FBLN1: variants seen among roughly 807,000 people sequenced by gnomAD.
FBLN1 encodes fibulin-1.
In FBLN1, 34 loss-of-function variants were observed where a neutral mutation model predicts 89.7. That is an observed-to-expected ratio of 0.38 (90% CI 0.29 to 0.50). The LOEUF (loss-of-function observed/expected upper bound fraction) is 0.50. Among genes scored for constraint, FBLN1 ranks in the 20% least tolerant of loss-of-function variants. The pLI is 0.92. For missense variants in FBLN1, 777 were observed against 988.1 expected, an observed-to-expected ratio of 0.79 and a Z score of 2.86; for synonymous variants, 393 against 391.3, an observed-to-expected ratio of 1.00 and a Z score of -0.05.
At chr22:45,584,592 A>G (rs2089069011) in intron 16 of FBLN1, among the ~76,000 whole-genome samples, 2 of 152,230 alleles carry the variant, frequency 1.3e-5, no homozygotes, top group Admixed American at 1.3e-4. Flanking sequence ...TAAAATTGCC[A>G]TAATAATATT....
rs1224392346 is a variant in FBLN1 at position 45,583,674 on chromosome 22, G to A, written c.1972+6566G>A. On this transcript the variant is annotated intron_variant, in intron 16 of 16. Transcript: ENST00000327858. This position sits in a 1 kb window ranked among gnomAD's most constrained non-coding sequence, Gnocchi z 4.5. ...GTGTGCCAGTCAGGTGAGACGCAGAGAAGACAGCACAATCAACACAGGAAG... is the reference window on the plus strand; with the variant it reads ...GTGTGCCAGTCAGGTGAGACGCAGAAAAGACAGCACAATCAACACAGGAAG... Among the ~76,000 whole-genome samples, 1 of 152,196 alleles carries A rather than the reference G, an allele frequency of 6.6e-6. No homozygotes were observed. Among genetic ancestry groups the A allele is most frequent in the Non-Finnish European group, 1.5e-5 (1 of 68,032 alleles).
intron 6 of FBLN1, among the ~76,000 whole-genome samples, chr22:45,533,469 G>A (rs2088437510): frequency 2.6e-5 from 4 of 152,218 alleles, no homozygotes; most frequent in Admixed American, 1.3e-4. Context: ...CCTGGCCCCC[G>A]CGTCTGTGAG....
chr22:45,503,356 G>A lies in FBLN1; in HGVS notation c.79+292G>A, dbSNP rs573574546. Reference sequence around the variant, plus strand: ...CAGCCGGCTCCGGGGGCCGCATCCCGGGCCCTGGGGGTTCAGGGGCGCTAG... The same window carrying A: ...CAGCCGGCTCCGGGGGCCGCATCCCAGGCCCTGGGGGTTCAGGGGCGCTAG... On this transcript the variant is annotated intron_variant, in intron 1 of 16. Coordinates refer to ENST00000327858, the MANE Select transcript of FBLN1 (RefSeq NM_006486.3). 7.5e-5 allele frequency: 16 copies of A among 212,180 alleles called. No individual in the cohort carries two copies. In the East Asian group the frequency reaches 1.4e-3, roughly 19 times the overall value. The allele number at this position is 212,180 out of a possible 1,614,324, so 13.1% of individuals were successfully genotyped here.
Position 45,525,669 on chromosome 22 carries a change from A to C in FBLN1, c.312A>C (p.Thr104=), listed in dbSNP as rs61739196. 2 of 1,551,330 alleles carry C rather than the reference A, an allele frequency of 1.3e-6. No homozygotes were observed. The highest frequency in any genetic ancestry group is 2.7e-5 in the African/African-American group (2 of 73,048). The change falls in exon 3 of 17, where the codon ACA becomes ACC. Residue 104 remains threonine, a synonymous_variant. Coordinates refer to ENST00000327858, the MANE Select transcript of FBLN1 (RefSeq NM_006486.3). ...PHGDNASLEA[T]FVKRCCHCCL... is the part of the protein sequence containing the mutation. ...GTGACAACGCCAGCCTGGAGGCCAC[A>C]TTTGTGAAGGTGAGAGCCAAAGACC...
At position 45,588,616 on chromosome 22, in the gene FBLN1, C is replaced by A. The variant is rs2089108256; in HGVS notation, c.1972+11508C>A. On this transcript the variant is annotated intron_variant, in intron 16 of 16. Coordinates refer to ENST00000327858, the MANE Select transcript of FBLN1 (RefSeq NM_006486.3). This position sits in a 1 kb window ranked among gnomAD's most constrained non-coding sequence, Gnocchi z 5.1. Reference sequence around the variant, plus strand: ...ACACACCTGCTGACTTCCAGAGTCACCAAGGGGTTAAAAGGGGCTGGGAAC... The same window carrying A: ...ACACACCTGCTGACTTCCAGAGTCAACAAGGGGTTAAAAGGGGCTGGGAAC... 6.6e-6 allele frequency among the ~76,000 whole-genome samples: 1 copy of A among 151,720 alleles called. No homozygotes were observed. The highest frequency in any genetic ancestry group is 1.5e-5 in the Non-Finnish European group (1 of 67,938).
chr22:45,512,820 CA>C (rs1430334933), intron 1 of FBLN1, among the ~76,000 whole-genome samples: 1 of 151,954 alleles, frequency 6.6e-6, no homozygotes, highest in Admixed American at 6.6e-5. Context: ...TGTAGTGGTG[CA>C]GTCGTGGCCC....
At position 45,531,670 on chromosome 22, in the gene FBLN1, CG is replaced by C. The variant is rs1204585387; in HGVS notation, c.544+347del. ...ATGAGCCACTTCCACCCTGAGGAGT[CG>C]TGGACTCCCAGCTCCTCCTTCCCTT... is the stretch of plus-strand genomic sequence containing the variant. On this transcript the variant is annotated intron_variant, in intron 5 of 16. Coordinates refer to ENST00000327858, the MANE Select transcript of FBLN1 (RefSeq NM_006486.3). This position sits in a 1 kb window ranked among gnomAD's most constrained non-coding sequence, Gnocchi z 4.9. Among the ~76,000 whole-genome samples, 3 of 152,226 alleles carry C rather than the reference CG, an allele frequency of 2.0e-5. No homozygotes were observed.
chr22:45,555,106 G>T lies in FBLN1; in HGVS notation c.1697+4491G>T, dbSNP rs559531593. 6.8e-3 allele frequency among the ~76,000 whole-genome samples: 1,014 copies of T among 148,744 alleles called. 24 individuals carry two copies. The highest frequency in any genetic ancestry group is 0.024 in the South Asian group (105 of 4,450). On this transcript the variant is annotated intron_variant, in intron 14 of 16. Coordinates refer to ENST00000327858, the MANE Select transcript of FBLN1 (RefSeq NM_006486.3). ...TCCCCGTCTCCACCGCAGGAGGTTG[G>T]GACCCGTCCCCGTCTCCACCCCAGG...
At chr22:45,528,544 C>T (rs972709288) in intron 4 of FBLN1, among the ~76,000 whole-genome samples, 2 of 152,070 alleles carry the variant, frequency 1.3e-5, no homozygotes, top group Non-Finnish European at 1.5e-5. Context: ...GGGGTTTCAC[C>T]ATGTTGGCCA....
chr22:45,550,170 T>C lies in FBLN1; in HGVS notation c.1574-322T>C, dbSNP rs1244025806. ...ATAAAATGAGGATCATAACAGTATCTGCCTCATTGAGTTCTTAGGAGGATT... is the reference window on the plus strand; with the variant it reads ...ATAAAATGAGGATCATAACAGTATCCGCCTCATTGAGTTCTTAGGAGGATT... On this transcript the variant is annotated intron_variant, in intron 13 of 16. Coordinates refer to ENST00000327858, the MANE Select transcript of FBLN1 (RefSeq NM_006486.3). The surrounding 1 kb of genome is among the most constrained non-coding windows in gnomAD (Gnocchi z 8.4). 2.6e-5 allele frequency among the ~76,000 whole-genome samples: 4 copies of C among 152,200 alleles called. No individual in the cohort carries two copies. The highest frequency in any genetic ancestry group is 9.6e-5 in the African/African-American group (4 of 41,456).
chr22:45,548,863 G>T (rs746274508), intron 13 of FBLN1, 119 bp downstream of exon 13: 2 of 1,491,490 alleles, frequency 1.3e-6, no homozygotes, highest in Non-Finnish European at 1.8e-6. Context: ...AGCACAGATG[G>T]AATGCATTCA....
chr22:45,561,943 A>G lies in FBLN1; in HGVS notation c.1697+11328A>G, dbSNP rs1055662281. 2.0e-5 allele frequency among the ~76,000 whole-genome samples: 3 copies of G among 152,178 alleles called. No homozygotes were observed. Among genetic ancestry groups the G allele is most frequent in the African/African-American group, 7.2e-5 (3 of 41,444 alleles). ...TCCTATCACATTTTTCTGCCTGCTT[A>G]TAGTCTAGCCGTGCTGGCAGCTGAT... On this transcript the variant is annotated intron_variant, in intron 14 of 16. Coordinates refer to ENST00000327858, the MANE Select transcript of FBLN1 (RefSeq NM_006486.3). This position sits in a 1 kb window ranked among gnomAD's most constrained non-coding sequence, Gnocchi z 4.7.
intron 14 of FBLN1, among the ~76,000 whole-genome samples, chr22:45,570,337 AAAGAAAAG>A: frequency 1.3e-5 from 1 of 77,178 alleles, no homozygotes; most frequent in Non-Finnish European, 2.6e-5. Flanking sequence ...AAAAAAAAAA[AAAGAAAAG>A]AAAAGAAAAG....
At chr22:45,515,987 A>G (rs2088164608) in intron 1 of FBLN1, among the ~76,000 whole-genome samples, 1 of 152,202 alleles carries the variant, frequency 6.6e-6, no homozygotes, top group Non-Finnish European at 1.5e-5. Context: ...CAGGAGACAG[A>G]GCCTGCCCTC....
In FBLN1 at chr22:45,532,943, G is replaced by C. The variant is rs893206314; in HGVS notation, c.545-120G>C. 1 of 883,088 alleles carries C rather than the reference G, an allele frequency of 1.1e-6. No homozygotes were observed. Among genetic ancestry groups the C allele is most frequent in the Admixed American group, 2.0e-5 (1 of 50,532 alleles). The allele number at this position is 883,088 out of a possible 1,614,324, so 54.7% of individuals were successfully genotyped here. A position where few individuals can be genotyped will look rare whatever the true frequency, so the allele number is the denominator to read the frequency against. The stretch of plus-strand genomic sequence containing the variant: ...CAGCAGGTGGGCTCCAGCCAGGTCA[G>C]CCTGCCTTCCTGGGTTCGTCTGCCC... On this transcript the variant is annotated intron_variant, in intron 5 of 16. Coordinates refer to ENST00000327858, the MANE Select transcript of FBLN1 (RefSeq NM_006486.3). This position sits in a 1 kb window ranked among gnomAD's most constrained non-coding sequence, Gnocchi z 4.2.
chr22:45,542,422 T>C, intron 10 of FBLN1, 139 bp downstream of exon 10: 4 of 1,247,186 alleles, frequency 3.2e-6, no homozygotes, highest in Non-Finnish European at 3.4e-6. Flanking sequence ...GAGAAGATCC[T>C]GAGTCAGGAG....
chr22:45,534,739 G>A (rs2088462438), intron 7 of FBLN1, among the ~76,000 whole-genome samples: 1 of 152,178 alleles, frequency 6.6e-6, no homozygotes, highest in South Asian at 2.1e-4. Context: ...CCATTTGACA[G>A]CCATGAACTT....
chr22:45,568,937 G>A (rs575803781), intron 14 of FBLN1, among the ~76,000 whole-genome samples: 11 of 152,326 alleles, frequency 7.2e-5, no homozygotes, highest in Admixed American at 5.9e-4. Context: ...CAGCTACATC[G>A]CTGCAATCTC....
chr22:45,574,365 A>G lies in FBLN1; in HGVS notation c.1698-146A>G, dbSNP rs2088975468. The G allele has an allele frequency of 4.7e-6, 4 of 844,400 alleles. No individual in the cohort carries two copies. Among genetic ancestry groups the G allele is most frequent in the Non-Finnish European group, 7.7e-6 (4 of 520,152 alleles). 52.3% of individuals were successfully genotyped at this position (844,400 alleles called of 1,614,324 possible). On this transcript the variant is annotated intron_variant, in intron 14 of 16. Coordinates refer to ENST00000327858, the MANE Select transcript of FBLN1 (RefSeq NM_006486.3). This position sits in a 1 kb window ranked among gnomAD's most constrained non-coding sequence, Gnocchi z 4.1. ...CCTCCCCACAGAGCAGCCAGGCTGC[A>G]GAGACCACTGTCGTTCTCTGATGGA...
Sources: allele counts gnomAD v4.1 joint callset (sites outside exome capture counted in the v4.1 genomes callset), GRCh38; gene constraint gnomAD v4.1.1; non-coding constraint Gnocchi (gnomAD v3.1); transcripts MANE v1.5; gene names NCBI Gene and HGNC (gene_info 2026-07-23, HGNC 2026-07-21).